Variants in ARHGEF17 observed in about 807,000 individuals in gnomAD.
ARHGEF17 encodes the protein Rho guanine nucleotide exchange factor 17, also known as 164 kDa Rho-specific guanine-nucleotide exchange factor.
In ARHGEF17, 80 loss-of-function variants were observed where a neutral mutation model predicts 174.0. That is an observed-to-expected ratio of 0.46 (90% CI 0.38 to 0.55). The LOEUF is 0.55. ARHGEF17 is among the 20% of genes least tolerant of loss of function. ARHGEF17 has a pLI of 0.00. For synonymous variants in ARHGEF17, 1,311 were observed against 1,189.1 expected (o/e 1.10, Z -2.11); for missense variants, 2,886 against 2,839.7 (o/e 1.02, Z -0.37).
chr11:73,366,082 A>G (rs1355610143), intron 20 of ARHGEF17, 135 bp downstream of exon 20: 4 of 1,191,548 alleles, frequency 3.4e-6, no homozygotes, highest in Admixed American at 5.0e-5. Flanking sequence ...GTGACAGGAA[A>G]TACACCACGG....
At chr11:73,353,171 C>A in intron 3 of ARHGEF17, 159 bp downstream of exon 3, 1 of 965,088 alleles carries the variant, frequency 1.0e-6, no homozygotes, top group Non-Finnish European at 1.5e-6. Flanking sequence ...TTACCCCAGC[C>A]CCTGGGTGGA....
Position 73,362,468 on chromosome 11 carries a change from C to G in ARHGEF17, c.4730C>G (p.Thr1577Arg). 3 of 1,588,786 alleles carry G rather than the reference C, an allele frequency of 1.9e-6. No individual in the cohort carries two copies. The highest frequency in any genetic ancestry group is 1.7e-6 in the Non-Finnish European group (2 of 1,171,414). Residue 1577 changes from threonine to arginine, a missense_variant, in exon 14 of 21, where the codon ACG becomes AGG. Thr to Arg is a moderately conservative substitution (Grantham distance 71). Around this residue, in one of 4 missense-constraint regions of ARHGEF17, gnomAD observed 476 missense variants for 473.1 expected, o/e 1.01. Coordinates refer to ENST00000263674, the MANE Select transcript of ARHGEF17 (RefSeq NM_014786.4). The part of the protein sequence containing the change: ...PPPSLRSPPE[T>R]APEPAGPELD... ...CCGTCGCTGAGGAGTCCTCCAGAGA[C>G]GGCACCGGAGCCCGCCGGGCCGGAG...
chr11:73,308,933 G>C lies in ARHGEF17; in HGVS notation c.295G>C (p.Ala99Pro). The change falls in exon 1 of 21, where the codon GCT (alanine) becomes CCT (proline). Residue 99 changes from alanine (A) to proline (P), a missense_variant. Coordinates refer to ENST00000263674, the MANE Select transcript of ARHGEF17 (RefSeq NM_014786.4). The stretch of plus-strand genomic sequence containing the variant: ...CGCGCCGCGTCTGGACGACGGCTCC[G>C]CTGGGACCCGAGACGGAGGCGTCTT... The part of the protein sequence containing the change: ...FDAPRLDDGS[A>P]GTRDGGVLPA... 1 of 1,362,292 alleles carries C rather than the reference G, an allele frequency of 7.3e-7. No individual in the cohort carries two copies. The highest frequency in any genetic ancestry group is 9.4e-7 in the Non-Finnish European group (1 of 1,063,742). The allele number at this position is 1,362,292 out of a possible 1,614,324, so 84.4% of individuals were successfully genotyped here.
chr11:73,339,486 C>T (rs1865336452), intron 1 of ARHGEF17, among the ~76,000 whole-genome samples: 1 of 152,138 alleles, frequency 6.6e-6, no homozygotes, highest in South Asian at 2.1e-4. Flanking sequence ...GTTTGTTCAT[C>T]CCTGTGTCTA....
intron 1 of ARHGEF17, among the ~76,000 whole-genome samples, chr11:73,323,184 G>A (rs1865043769): frequency 6.6e-6 from 1 of 152,186 alleles, no homozygotes; most frequent in Non-Finnish European, 1.5e-5. Context: ...CACACCTGCA[G>A]TCTGGCCCTC....
intron 1 of ARHGEF17, among the ~76,000 whole-genome samples, chr11:73,325,025 G>A (rs1197649908): frequency 6.6e-6 from 1 of 152,160 alleles, no homozygotes; most frequent in African/African-American, 2.4e-5. Flanking sequence ...CAGGAGTTTG[G>A]GAAGGTGGAG....
chr11:73,323,653 G>A (rs1392391328), intron 1 of ARHGEF17, among the ~76,000 whole-genome samples: 5 of 152,220 alleles, frequency 3.3e-5, no homozygotes, highest in Non-Finnish European at 5.9e-5. Context: ...CCTCTGGCCT[G>A]GACCCGCCAC....
At chr11:73,327,250 G>A (rs2135793587) in intron 1 of ARHGEF17, among the ~76,000 whole-genome samples, 1 of 149,156 alleles carries the variant, frequency 6.7e-6, no homozygotes, top group Non-Finnish European at 1.5e-5. Flanking sequence ...GTAGGAGCTG[G>A]CAACCAGCTA....
Position 73,351,320 on chromosome 11 carries a change from C to CCCT in ARHGEF17, c.3271-1506_3271-1504dup, listed in dbSNP as rs555650533. On this transcript the variant is annotated intron_variant, in intron 2 of 20. Transcript: ENST00000263674. ...ATCACATATGCTTTTTCAAACAACACCCTCCTGTTTTTTTTAGCCTGCAGT... is the reference window on the plus strand; with the variant it reads ...ATCACATATGCTTTTTCAAACAACACCCTCCTCCTGTTTTTTTTAGCCTGCAGT... Among the ~76,000 whole-genome samples, 383 of 137,310 alleles carry CCCT rather than the reference C, an allele frequency of 2.8e-3. 2 individuals carry two copies. The highest frequency in any genetic ancestry group is 0.013 in the African/African-American group (360 of 28,740). The allele number at this position is 137,310 out of a possible 152,430, so 90.1% of individuals were successfully genotyped here.
chr11:73,319,065 C>CTT (rs60978188), intron 1 of ARHGEF17, among the ~76,000 whole-genome samples: 105 of 139,254 alleles, frequency 7.5e-4, no homozygotes, highest in East Asian at 2.9e-3. Context: ...CTTCCTCCGT[C>CTT]TTTTTTTTTT....
Position 73,310,734 on chromosome 11 carries a change from C to G in ARHGEF17, c.2096C>G (p.Thr699Ser), listed in dbSNP as rs769174361. ...LGGWALVSPE[T>S]PPTPGALRRR... The stretch of plus-strand genomic sequence containing the variant: ...GGGTGGGCCCTGGTGTCGCCTGAGA[C>G]CCCTCCCACACCAGGTGCCCTCCGC... Residue 699 changes from threonine (T) to serine (S), a missense_variant, in exon 1 of 21, where the codon ACC becomes AGC. By Grantham distance (58) the Thr-to-Ser change is moderately conservative (BLOSUM62 1). Transcript: ENST00000263674. 6.2e-7 allele frequency: 1 copy of G among 1,611,890 alleles called. No homozygotes were observed. The highest frequency in any genetic ancestry group is 8.5e-7 in the Non-Finnish European group (1 of 1,178,956).
intron 1 of ARHGEF17, among the ~76,000 whole-genome samples, chr11:73,315,612 CA>C (rs1353623021): frequency 6.6e-6 from 1 of 152,088 alleles, no homozygotes; most frequent in African/African-American, 2.4e-5. Context: ...TGAGCGGTAC[CA>C]AATATCTATA....
rs902620884 is a variant in ARHGEF17 at position 73,362,499 on chromosome 11, C to T, written c.4761C>T (p.Asp1587=). ...TAPEPAGPEL[D]VEAAADEEAA... ...CGGAGCCCGCCGGGCCGGAGCTGGA[C>T]GTCGAGGCCGCTGCAGACGAGGAAG... Residue 1587 remains aspartate, a synonymous_variant, in exon 14 of 21, where the codon GAC becomes GAT. Coordinates refer to ENST00000263674, the MANE Select transcript of ARHGEF17 (RefSeq NM_014786.4). 1.4e-5 allele frequency: 22 copies of T among 1,601,334 alleles called. No individual in the cohort carries two copies. Among genetic ancestry groups the T allele is most frequent in the Admixed American group, 6.7e-5 (4 of 59,752 alleles).
At chr11:73,317,162 G>A (rs1302403746) in intron 1 of ARHGEF17, among the ~76,000 whole-genome samples, 2 of 152,150 alleles carry the variant, frequency 1.3e-5, no homozygotes, top group Non-Finnish European at 1.5e-5. Flanking sequence ...TGAAAGGCTA[G>A]GAGAGTGGAG....
chr11:73,332,324 G>A (rs1865217976), intron 1 of ARHGEF17, among the ~76,000 whole-genome samples: 1 of 147,416 alleles, frequency 6.8e-6, no homozygotes, highest in Non-Finnish European at 1.5e-5. Flanking sequence ...TAATGTTCTG[G>A]TATATTTCCC....
chr11:73,365,819 C>G lies in ARHGEF17; in HGVS notation c.5867C>G (p.Pro1956Arg). The change falls in exon 20 of 21, where the codon CCA becomes CGA. Residue 1956 changes from proline (P) to arginine (R), a missense_variant. Transcript: ENST00000263674. This position sits in a 1 kb window ranked among gnomAD's most constrained non-coding sequence, Gnocchi z 4.9. ...ACTTCGCCCGGTACTGTCAGCTGCC[C>G]ACGGGCACCACTCAGTCCCACAGGC... ...MPTSPGTVSC[P>R]RAPLSPTGLG... is the part of the protein sequence containing the mutation. 6.2e-7 allele frequency: 1 copy of G among 1,613,460 alleles called. No homozygotes were observed. Among genetic ancestry groups the G allele is most frequent in the Non-Finnish European group, 8.5e-7 (1 of 1,180,044 alleles).
At chr11:73,366,732 T>C (rs1865845616) in intron 20 of ARHGEF17, among the ~76,000 whole-genome samples, 1 of 151,414 alleles carries the variant, frequency 6.6e-6, no homozygotes, top group East Asian at 1.9e-4. Context: ...TGATACCCTG[T>C]CTCAAAAAAA....
intron 3 of ARHGEF17, chr11:73,353,305 T>C: frequency 2.1e-6 from 1 of 471,212 alleles, no homozygotes; most frequent in Non-Finnish European, 3.9e-6. Context: ...GACGTGACTC[T>C]AGTCCTGACC....
At chr11:73,341,655 G>A (rs1865371417) in intron 1 of ARHGEF17, among the ~76,000 whole-genome samples, 1 of 152,266 alleles carries the variant, frequency 6.6e-6, no homozygotes, top group Non-Finnish European at 1.5e-5. Flanking sequence ...CTAGGAGAGG[G>A]AAAAGGCATG....
Sources: allele counts gnomAD v4.1 joint callset (sites outside exome capture counted in the v4.1 genomes callset), GRCh38; gene constraint gnomAD v4.1.1; regional missense constraint gnomAD v4.1.1; non-coding constraint Gnocchi (gnomAD v3.1); transcripts MANE v1.5; gene names NCBI Gene and HGNC (gene_info 2026-07-23, HGNC 2026-07-21).